SGCD: variants seen among roughly 807,000 people sequenced by gnomAD.
SGCD encodes the protein sarcoglycan delta.
In SGCD, 18 loss-of-function variants were observed where a neutral mutation model predicts 36.6. The ratio of observed to expected loss-of-function variants is 0.49; its 90% CI spans 0.34 to 0.73. SGCD has a LOEUF of 0.73. SGCD is among the 30% of genes least tolerant of loss of function. SGCD has a pLI of 0.01. For synonymous variants in SGCD, 133 were observed against 130.6 expected (o/e 1.02, Z -0.12); for missense variants, 387 against 346.7 (o/e 1.12, Z -0.92).
chr5:156,630,713 A>G (rs948566667), intron 6 of SGCD, among the ~76,000 whole-genome samples: 3 of 152,314 alleles, frequency 2.0e-5, no homozygotes, highest in African/African-American at 7.2e-5. Flanking sequence ...GTGACATTCA[A>G]AGATTAAATA....
At chr5:156,458,796 ACATGGG>A (rs1399428788) in intron 3 of SGCD, among the ~76,000 whole-genome samples, 1 of 152,234 alleles carries the variant, frequency 6.6e-6, no homozygotes, top group Non-Finnish European at 1.5e-5. Context: ...GATGAGAATC[ACATGGG>A]AGAGCCTTTG....
At chr5:156,671,376 G>A (rs1293505938) in intron 7 of SGCD, among the ~76,000 whole-genome samples, 1 of 150,680 alleles carries the variant, frequency 6.6e-6, no homozygotes, top group Non-Finnish European at 1.5e-5. Flanking sequence ...GGGTTCAAGT[G>A]ATTCTCCCGC....
intron 3 of SGCD, among the ~76,000 whole-genome samples, chr5:156,400,922 A>T (rs968757834): frequency 6.6e-6 from 1 of 152,236 alleles, no homozygotes; most frequent in Non-Finnish European, 1.5e-5. Context: ...ATGTTTTGAG[A>T]TGTTGGAATG....
At chr5:156,680,295 T>G (rs1753671829) in intron 7 of SGCD, among the ~76,000 whole-genome samples, 1 of 152,198 alleles carries the variant, frequency 6.6e-6, no homozygotes, top group Non-Finnish European at 1.5e-5. Flanking sequence ...CTGGGTACTT[T>G]CTGGTATTTG....
At chr5:156,342,563 C>T (rs534268825) in intron 2 of SGCD, among the ~76,000 whole-genome samples, 1 of 151,966 alleles carries the variant, frequency 6.6e-6, no homozygotes, top group East Asian at 1.9e-4. Flanking sequence ...ATTATTTTTA[C>T]TTTTATTTGA....
chr5:156,348,339 G>A (rs540235599), intron 3 of SGCD, among the ~76,000 whole-genome samples: 39 of 152,170 alleles, frequency 2.6e-4, no homozygotes, highest in African/African-American at 9.1e-4. Context: ...GATTACATGA[G>A]CATATACCTA....
At chr5:156,621,172 A>G (rs1364218259) in intron 6 of SGCD, among the ~76,000 whole-genome samples, 1 of 152,154 alleles carries the variant, frequency 6.6e-6, no homozygotes, top group Non-Finnish European at 1.5e-5. Context: ...TCTAGGATCC[A>G]CAGCTAAGCA....
chr5:156,079,284 C>A (rs1760884125), intron 1 of SGCD, among the ~76,000 whole-genome samples: 1 of 152,160 alleles, frequency 6.6e-6, no homozygotes, highest in Non-Finnish European at 1.5e-5. Flanking sequence ...CACCAGGCCC[C>A]ACCTCCAATA....
chr5:156,710,966 C>T (rs1754963881), intron 7 of SGCD, among the ~76,000 whole-genome samples: 1 of 152,122 alleles, frequency 6.6e-6, no homozygotes, highest in Admixed American at 6.5e-5. Flanking sequence ...TTCTTTCTTT[C>T]AGGACCTGCT....
intron 6 of SGCD, among the ~76,000 whole-genome samples, chr5:156,607,410 T>C (rs1175818155): frequency 6.6e-6 from 1 of 152,192 alleles, no homozygotes; most frequent in Non-Finnish European, 1.5e-5. Context: ...TTGATCATGG[T>C]GGATAAGCTT....
intron 7 of SGCD, among the ~76,000 whole-genome samples, chr5:156,727,307 T>C (rs1193579046): frequency 1.3e-5 from 2 of 152,188 alleles, no homozygotes; most frequent in African/African-American, 4.8e-5. Context: ...GAACTCAAAC[T>C]GATAACAAGG....
At chr5:156,025,030 T>A (rs952073506) in intron 1 of SGCD, among the ~76,000 whole-genome samples, 1 of 152,124 alleles carries the variant, frequency 6.6e-6, no homozygotes, top group East Asian at 1.9e-4. Context: ...TTGGGGTAGA[T>A]TATACTGGAG....
chr5:156,292,392 A>G (rs1236179326), intron 3 of SGCD, among the ~76,000 whole-genome samples: 6 of 152,106 alleles, frequency 3.9e-5, no homozygotes, highest in Non-Finnish European at 8.8e-5. Flanking sequence ...TGACTGGCAT[A>G]TATTTAGCAT....
At chr5:156,733,577 T>C (rs1355695486) in intron 7 of SGCD, among the ~76,000 whole-genome samples, 1 of 152,048 alleles carries the variant, frequency 6.6e-6, no homozygotes, top group Non-Finnish European at 1.5e-5. Flanking sequence ...TCTGTCTCAA[T>C]GATCTAATAT....
the SGCD span, among the ~76,000 whole-genome samples, chr5:155,779,695 A>G: frequency 2.0e-5 from 3 of 152,140 alleles, no homozygotes; most frequent in Non-Finnish European, 4.4e-5. Context: ...CCTGGGCCAT[A>G]GCACATATTT....
upstream of SGCD, among the ~76,000 whole-genome samples, chr5:156,323,887 G>A (rs1270713220): frequency 2.0e-5 from 3 of 152,174 alleles, no homozygotes; most frequent in Non-Finnish European, 4.4e-5. Flanking sequence ...TGAGAACCGA[G>A]TACAGTCCTA....
chr5:155,899,187 AGAGT>A (rs1561643131), intron 1 of SGCD, among the ~76,000 whole-genome samples: 1 of 152,232 alleles, frequency 6.6e-6, no homozygotes, highest in Non-Finnish European at 1.5e-5. Flanking sequence ...TCATAACTTC[AGAGT>A]GAAAGCTGCT....
intron 7 of SGCD, among the ~76,000 whole-genome samples, chr5:156,694,543 G>A (rs1171244276): frequency 6.6e-6 from 1 of 152,180 alleles, no homozygotes; most frequent in Non-Finnish European, 1.5e-5. Flanking sequence ...CTGTATACAA[G>A]TAAGGGGAAA....
chr5:156,571,520 T>C (rs1304087765), intron 4 of SGCD, among the ~76,000 whole-genome samples: 1 of 152,162 alleles, frequency 6.6e-6, no homozygotes, highest in Non-Finnish European at 1.5e-5. Flanking sequence ...CACCCTTTCC[T>C]CTCTCTCCCC....
Sources: allele counts gnomAD v4.1 joint callset (sites outside exome capture counted in the v4.1 genomes callset), GRCh38; gene constraint gnomAD v4.1.1; transcripts MANE v1.5; gene names NCBI Gene and HGNC (gene_info 2026-07-23, HGNC 2026-07-21).